Variants in UBTD2 observed in about 807,000 individuals in gnomAD.
The protein encoded by UBTD2 is ubiquitin domain containing 2, also known as ubiquitin domain-containing protein 2.
In UBTD2, 9 loss-of-function variants were observed where a neutral mutation model predicts 19.8. The observed-to-expected ratio is 0.46, with a 90% CI of 0.27 to 0.79. The LOEUF (loss-of-function observed/expected upper bound fraction) is 0.79. UBTD2 is among the 30% of genes least tolerant of loss of function. UBTD2 has a pLI of 0.14. For synonymous variants in UBTD2, 98 were observed against 103.9 expected (o/e 0.94, Z 0.35); for missense variants, 250 against 300.4 (o/e 0.83, Z 1.24).
intron 2 of UBTD2, among the ~76,000 whole-genome samples, chr5:172,224,850 T>C (rs1213988894): frequency 1.3e-5 from 2 of 152,220 alleles, no homozygotes; most frequent in East Asian, 3.8e-4. Flanking sequence ...AAACCCAGTA[T>C]GTTTAAAGAC....
At chr5:172,280,828 T>A (rs958509699) in intron 1 of UBTD2, among the ~76,000 whole-genome samples, 6 of 152,176 alleles carry the variant, frequency 3.9e-5, no homozygotes, top group Non-Finnish European at 7.3e-5. Flanking sequence ...TTCTACAGTC[T>A]CTTATAAAAA....
chr5:172,223,114 T>A (rs560223574), intron 2 of UBTD2, among the ~76,000 whole-genome samples: 2 of 152,274 alleles, frequency 1.3e-5, no homozygotes, highest in South Asian at 2.1e-4. Context: ...GAAAGAATCA[T>A]GTAACTGGAA....
chr5:172,271,748 A>G (rs1755497346), intron 1 of UBTD2, among the ~76,000 whole-genome samples: 1 of 152,206 alleles, frequency 6.6e-6, no homozygotes, highest in Non-Finnish European at 1.5e-5. Context: ...TTGAAGGCAG[A>G]TTCATAATTA....
At chr5:172,236,152 C>G (rs1772003971) in intron 1 of UBTD2, among the ~76,000 whole-genome samples, 1 of 152,202 alleles carries the variant, frequency 6.6e-6, no homozygotes, top group Admixed American at 6.5e-5. Flanking sequence ...TCTGTCCTCT[C>G]CCCTCAGGGT....
At chr5:172,238,161 T>C (rs1050570726) in intron 1 of UBTD2, among the ~76,000 whole-genome samples, 1 of 152,222 alleles carries the variant, frequency 6.6e-6, no homozygotes, top group Admixed American at 6.5e-5. Flanking sequence ...CAACTAGATT[T>C]CATTTTATGC....
chr5:172,283,447 A>T lies in UBTD2; in HGVS notation c.70+149T>A. ...AGGGGCGACCCCCGCGGCTGGCAGG[A>T]CAGCCGGAAGCGGAGCGCGGGGAAT... On this transcript the variant is annotated intron_variant, in intron 1 of 2. Transcript: ENST00000393792. The surrounding 1 kb of genome is among the most constrained non-coding windows in gnomAD (Gnocchi z 4.3). 1.8e-6 allele frequency: 1 copy of T among 569,938 alleles called. No homozygotes were observed. 35.3% of individuals were successfully genotyped at this position (569,938 alleles called of 1,614,324 possible).
intron 2 of UBTD2, among the ~76,000 whole-genome samples, chr5:172,214,033 C>T (rs565931493): frequency 5.2e-4 from 79 of 152,374 alleles, no homozygotes; most frequent in African/African-American, 1.8e-3. Context: ...GATCTGCTCG[C>T]CTTGGCCTCC....
chr5:172,211,860 A>C lies in UBTD2; in HGVS notation c.675T>G (p.Pro225=). ...DYVVQVIVSQ[P]VQNPTPVEN ...TCTCCACTGGTGTTGGGTTCTGCAC[A>C]GGTTGGCTCACTATAACCTGTACAA... Residue 225 remains proline, a synonymous_variant, in exon 3 of 3, where the codon CCT becomes CCG. Coordinates refer to ENST00000393792, the MANE Select transcript of UBTD2 (RefSeq NM_152277.3). The C allele has an allele frequency of 1.9e-6, 3 of 1,613,862 alleles. No individual in the cohort carries two copies. Among genetic ancestry groups the C allele is most frequent in the Non-Finnish European group, 2.5e-6 (3 of 1,179,788 alleles).
chr5:172,232,633 G>A (rs1771924258), intron 2 of UBTD2, among the ~76,000 whole-genome samples: 1 of 152,104 alleles, frequency 6.6e-6, no homozygotes, highest in Non-Finnish European at 1.5e-5. Context: ...GGCCAAGGCA[G>A]GAGGATTGCT....
At chr5:172,224,800 C>T (rs1366259619) in intron 2 of UBTD2, among the ~76,000 whole-genome samples, 2 of 152,158 alleles carry the variant, frequency 1.3e-5, no homozygotes, top group Non-Finnish European at 2.9e-5. Flanking sequence ...TTCTTTACAG[C>T]AGTGTGAAAA....
chr5:172,217,672 A>G (rs1348837977), intron 2 of UBTD2, among the ~76,000 whole-genome samples: 3 of 152,004 alleles, frequency 2.0e-5, no homozygotes, highest in East Asian at 1.9e-4. Flanking sequence ...TTTTTGGTAG[A>G]GGCAGGGTTT....
chr5:172,235,081 T>TAA (rs147722144), intron 1 of UBTD2, among the ~76,000 whole-genome samples: 1 of 151,788 alleles, frequency 6.6e-6, no homozygotes, highest in African/African-American at 2.4e-5. Flanking sequence ...AAAACTGCTC[T>TAA]AAAAAAATTT....
At position 172,229,525 on chromosome 5, in the gene UBTD2, A is replaced by C. The variant is rs950934397; in HGVS notation, c.307+4597T>G. ...CAAAAAAAAAAAAAAAAAAAAAAAA[A>C]GAGGAGAGCTTTTACATTTGAATTG... On this transcript the variant is annotated intron_variant, in intron 2 of 2. Coordinates refer to ENST00000393792, the MANE Select transcript of UBTD2 (RefSeq NM_152277.3). Among the ~76,000 whole-genome samples the C allele has an allele frequency of 2.8e-5, 4 of 140,950 alleles. No individual in the cohort carries two copies. The South Asian group carries it at 9.3e-4, about 33-fold the overall frequency. The allele number at this position is 140,950 out of a possible 152,430, so 92.5% of individuals were successfully genotyped here. A position where few individuals can be genotyped will look rare whatever the true frequency, so the allele number is the denominator to read the frequency against.
At chr5:172,282,877 T>C (rs969599825) in intron 1 of UBTD2, among the ~76,000 whole-genome samples, 1 of 152,178 alleles carries the variant, frequency 6.6e-6, no homozygotes, top group Non-Finnish European at 1.5e-5. Context: ...AGGGTCCAAC[T>C]GCACTTGTAC....
At chr5:172,251,547 G>A (rs909326926) in intron 1 of UBTD2, among the ~76,000 whole-genome samples, 2 of 149,404 alleles carry the variant, frequency 1.3e-5, no homozygotes, top group Admixed American at 6.7e-5. Flanking sequence ...ACATATAAGG[G>A]ACTTCCAATA....
chr5:172,258,979 T>C (rs974422265), intron 1 of UBTD2, among the ~76,000 whole-genome samples: 1 of 152,172 alleles, frequency 6.6e-6, no homozygotes, highest in Non-Finnish European at 1.5e-5. Flanking sequence ...CTTCCAGAAC[T>C]ATGCTAAATA....
rs1385669911 is a variant in UBTD2, at chr5:172,242,278, T to TA, written c.71-7921dup. ...TTTATGGCAAGGCAAACAGTCAGAT[T>TA]AACACACTATAATATCGTTGTCATA... On this transcript the variant is annotated intron_variant, in intron 1 of 2. Transcript: ENST00000393792. The TA allele has an allele frequency of 5.3e-6, 3 of 569,636 alleles. No homozygotes were observed. The African/African-American group carries it at 6.1e-5, about 12-fold the overall frequency. The allele number at this position is 569,636 out of a possible 1,614,324, so 35.3% of individuals were successfully genotyped here. A position where few individuals can be genotyped will look rare whatever the true frequency, so the allele number is the denominator to read the frequency against.
chr5:172,231,382 C>G (rs1487129077), intron 2 of UBTD2, among the ~76,000 whole-genome samples: 1 of 152,130 alleles, frequency 6.6e-6, no homozygotes, highest in African/African-American at 2.4e-5. Flanking sequence ...GAAAATATTC[C>G]TTAAACATAG....
intron 1 of UBTD2, among the ~76,000 whole-genome samples, chr5:172,271,233 A>G (rs34781637): frequency 0.11 from 17,180 of 152,014 alleles, 1,149 homozygotes; most frequent in East Asian, 0.28. Context: ...GATCAAGACC[A>G]TCCTGGCTAA....
Sources: gnomAD v4.1 joint callset for allele counts (sites outside exome capture counted in the v4.1 genomes callset) on GRCh38, gnomAD v4.1.1 for gene constraint, Gnocchi (gnomAD v3.1) non-coding constraint, MANE v1.5 for transcripts, NCBI Gene and HGNC (gene_info 2026-07-23, HGNC 2026-07-21) for gene names.